TMEM231: variants seen among roughly 807,000 people sequenced by gnomAD.
TMEM231 encodes transmembrane protein 231.
A neutral mutation model predicts 38.5 loss-of-function variants in TMEM231; 40 were observed. The observed-to-expected ratio is 1.04, with a 90% CI of 0.81 to 1.35. The LOEUF is 1.35. Ranked by LOEUF, TMEM231 falls within the 40% of genes most tolerant of loss-of-function variation. The pLI is 0.00. For synonymous variants in TMEM231, 199 were observed against 181.7 expected, an observed-to-expected ratio of 1.10 and a Z score of -0.77; for missense variants, 420 against 416.9, an observed-to-expected ratio of 1.01 and a Z score of -0.07.
At chr16:75,544,427 G>C (rs191326124) in intron 4 of TMEM231, among the ~76,000 whole-genome samples, 9 of 152,274 alleles carry the variant, frequency 5.9e-5, no homozygotes, top group Admixed American at 4.6e-4. Context: ...CAAAAGCCCT[G>C]AGGTGGCAGC....
intron 4 of TMEM231, among the ~76,000 whole-genome samples, chr16:75,544,949 C>CTTTTTTTTTTTTTTTTT (rs71134720): frequency 1.1e-5 from 1 of 89,618 alleles, no homozygotes; most frequent in Non-Finnish European, 2.4e-5. Context: ...TTTTCTTTTT[C>CTTTTTTTTTTTTTTTTT]TTTTTTTTTT....
intron 6 of TMEM231, among the ~76,000 whole-genome samples, chr16:75,540,685 T>A (rs150202739): frequency 7.0e-4 from 106 of 152,328 alleles, no homozygotes; most frequent in African/African-American, 2.5e-3. Flanking sequence ...AAAGTTTAGG[T>A]CAGACAGGGA....
At chr16:75,551,778 A>G (rs933372752) in intron 2 of TMEM231, among the ~76,000 whole-genome samples, 8 of 152,040 alleles carry the variant, frequency 5.3e-5, no homozygotes, top group Non-Finnish European at 1.2e-4. Flanking sequence ...CCTGACCAAC[A>G]TGATGAAATC....
chr16:75,550,159 G>A (rs1013629782), intron 2 of TMEM231, among the ~76,000 whole-genome samples: 1 of 152,242 alleles, frequency 6.6e-6, no homozygotes, highest in African/African-American at 2.4e-5. Flanking sequence ...GGGTGGGACT[G>A]ATAGAACTTA....
rs1265651402 is a variant in TMEM231 at position 75,539,439 on chromosome 16, C to T, written c.*555G>A. ...CAGCGGCCCTCCCTGATTGCCTGTG[C>T]TAATGCGGCCCTTGCCCTTGGGCCC... On this transcript the variant is annotated 3_prime_UTR_variant, in exon 7 of 7. Transcript: ENST00000258173. The T allele has an allele frequency of 1.3e-5, 2 of 151,878 alleles. No homozygotes were observed. The highest frequency in any genetic ancestry group is 4.8e-5 in the African/African-American group (2 of 41,394). The allele number at this position is 151,878 out of a possible 1,614,324, so 9.4% of individuals were successfully genotyped here.
At chr16:75,548,886 C>T (rs1448963372) in intron 2 of TMEM231, among the ~76,000 whole-genome samples, 1 of 151,720 alleles carries the variant, frequency 6.6e-6, no homozygotes, top group Non-Finnish European at 1.5e-5. Context: ...AACAAAAAAA[C>T]CCAAAAAGAA....
intron 2 of TMEM231, among the ~76,000 whole-genome samples, chr16:75,547,566 G>A (rs1440477083): frequency 2.0e-5 from 3 of 151,838 alleles, no homozygotes; most frequent in Non-Finnish European, 2.9e-5. Context: ...GGATCATGAG[G>A]TCAGAAGATC....
Position 75,538,536 on chromosome 16 carries a change from AGT to A in TMEM231, c.*1456_*1457del, listed in dbSNP as rs978331549. 5.3e-5 allele frequency: 8 copies of A among 152,304 alleles called. No individual in the cohort carries two copies. The highest frequency in any genetic ancestry group is 1.9e-4 in the African/African-American group (8 of 41,554). The allele number at this position is 152,304 out of a possible 1,614,324, so 9.4% of individuals were successfully genotyped here. A position where few individuals can be genotyped will look rare whatever the true frequency, so the allele number is the denominator to read the frequency against. On this transcript the variant is annotated 3_prime_UTR_variant, in exon 7 of 7. Coordinates refer to ENST00000258173, the MANE Select transcript of TMEM231 (RefSeq NM_001077418.3). ...AATATTAAAAAAAGACAAGGGGGTC[AGT>A]GTTAGGGAATTCCTCTGCTTGAATA...
At chr16:75,549,265 C>T (rs1021439341) in intron 2 of TMEM231, among the ~76,000 whole-genome samples, 5 of 152,214 alleles carry the variant, frequency 3.3e-5, no homozygotes, top group Admixed American at 3.3e-4. Context: ...TGTGCAATAG[C>T]TAACAAAGGC....
chr16:75,554,648 C>T (rs2080792850), intron 2 of TMEM231, among the ~76,000 whole-genome samples: 1 of 151,956 alleles, frequency 6.6e-6, no homozygotes. Flanking sequence ...AAGAATACAG[C>T]TGATTAATAA....
intron 2 of TMEM231, among the ~76,000 whole-genome samples, chr16:75,552,268 A>G (rs1013127327): frequency 6.6e-6 from 1 of 152,200 alleles, no homozygotes; most frequent in Non-Finnish European, 1.5e-5. Flanking sequence ...AGCCTGGCCA[A>G]CATGGTAAAA....
intron 2 of TMEM231, among the ~76,000 whole-genome samples, chr16:75,549,137 A>G (rs1487907651): frequency 6.6e-6 from 1 of 152,200 alleles, no homozygotes; most frequent in Non-Finnish European, 1.5e-5. Flanking sequence ...ACCTGTCACC[A>G]AGCTGGACTC....
chr16:75,545,864 C>T lies in TMEM231; in HGVS notation c.400G>A (p.Gly134Ser), dbSNP rs1295426456. The T allele has an allele frequency of 2.0e-5, 28 of 1,430,218 alleles. No homozygotes were observed. Among genetic ancestry groups the T allele is most frequent in the South Asian group, 2.6e-5 (2 of 76,774 alleles). 88.6% of individuals were successfully genotyped at this position (1,430,218 alleles called of 1,614,324 possible). A position where few individuals can be genotyped will look rare whatever the true frequency, so the allele number is the denominator to read the frequency against. Reference sequence around the variant, plus strand: ...GAGAAAGTCAGGATGAGCTGCACACCGAGAACGTGCTCCGTGGACTGCAGG... The same window carrying T: ...GAGAAAGTCAGGATGAGCTGCACACTGAGAACGTGCTCCGTGGACTGCAGG... The part of the protein sequence containing the change: ...LPLQSTEHVL[G>S]VQLILTFSYR... The change falls in exon 3 of 7, where the codon GGT becomes AGT. Residue 134 changes from glycine (G) to serine (S), a missense_variant. Transcript: ENST00000258173.
At chr16:75,547,573 G>T (rs1047930639) in intron 2 of TMEM231, among the ~76,000 whole-genome samples, 2 of 151,998 alleles carry the variant, frequency 1.3e-5, no homozygotes, top group Non-Finnish European at 2.9e-5. Context: ...GAGGTCAGAA[G>T]ATCGAGACCA....
At chr16:75,542,442 C>T (rs1373552806) in intron 5 of TMEM231, 160 bp downstream of exon 5, 21 of 705,654 alleles carry the variant, frequency 3.0e-5, no homozygotes, top group East Asian at 1.7e-4. Flanking sequence ...AAGATCAGGA[C>T]GAAAAAGACA....
At position 75,540,104 on chromosome 16, in the gene TMEM231, G is replaced by A. The variant is rs1394893772; in HGVS notation, c.841C>T (p.Leu281Phe). 6.2e-7 allele frequency: 1 copy of A among 1,613,854 alleles called. No individual in the cohort carries two copies. Among genetic ancestry groups the A allele is most frequent in the East Asian group, 2.2e-5 (1 of 44,880 alleles). The change falls in exon 7 of 7, where the codon CTC becomes TTC. Residue 281 changes from leucine to phenylalanine, a missense_variant. By Grantham distance (22) the Leu-to-Phe change is conservative (BLOSUM62 0). Coordinates refer to ENST00000258173, the MANE Select transcript of TMEM231 (RefSeq NM_001077418.3). ...VQYVSILLIFLWVFERIKIFV... is the reference protein window; with the variant it reads ...VQYVSILLIFFWVFERIKIFV... ...ATCTTGATTCTTTCAAACACCCAGA[G>A]GAAGATAAGCAGGATGCTGACATAC...
chr16:75,545,280 C>G, intron 4 of TMEM231, 72 bp downstream of exon 4: 2 of 1,546,774 alleles, frequency 1.3e-6, no homozygotes, highest in Admixed American at 1.9e-5. Context: ...ACTTTTCATT[C>G]CCCTCTTTAA....
intron 2 of TMEM231, among the ~76,000 whole-genome samples, chr16:75,547,389 T>C (rs1362270977): frequency 2.0e-5 from 3 of 152,252 alleles, no homozygotes; most frequent in Non-Finnish European, 4.4e-5. Context: ...GTTCCTTCTC[T>C]TAGGTCTTGT....
In TMEM231 at chr16:75,555,976, G is replaced by C. The variant is rs776673877; in HGVS notation, c.140-3C>G. 2.5e-6 allele frequency: 4 copies of C among 1,600,782 alleles called. No individual in the cohort carries two copies. The highest frequency in any genetic ancestry group is 1.7e-5 in the Admixed American group (1 of 58,390). Reference sequence around the variant, plus strand: ...GCTGCTCCGCTTCAGCCAAAACCCTGAGTTAAAGAGGGCGGTAGGGAGGCG... The same window carrying C: ...GCTGCTCCGCTTCAGCCAAAACCCTCAGTTAAAGAGGGCGGTAGGGAGGCG... On this transcript the variant is annotated splice_polypyrimidine_tract_variant and splice_region_variant and intron_variant, in intron 1 of 6. Transcript: ENST00000258173.
Sources: gnomAD v4.1 joint callset for allele counts (sites outside exome capture counted in the v4.1 genomes callset) on GRCh38, gnomAD v4.1.1 for gene constraint, MANE v1.5 for transcripts, NCBI Gene and HGNC (gene_info 2026-07-23, HGNC 2026-07-21) for gene names.